Variants in SLC6A5 observed in about 807,000 individuals in gnomAD.
The protein encoded by SLC6A5 is solute carrier family 6 member 5.
Under a neutral mutation model 90.5 loss-of-function variants are expected in SLC6A5, and 58 were observed. The observed-to-expected ratio is 0.64, with a 90% CI of 0.52 to 0.80. SLC6A5 has a LOEUF of 0.80. SLC6A5 is among the 30% of genes least tolerant of loss of function. SLC6A5 has a pLI of 0.00. For synonymous variants in SLC6A5, 427 were observed against 401.4 expected (o/e 1.06, Z -0.76); for missense variants, 1,015 against 1,017.6 (o/e 1.00, Z 0.03).
chr11:20,627,990 A>T lies in SLC6A5; in HGVS notation c.1406A>T (p.Asp469Val). 6.2e-7 allele frequency: 1 copy of T among 1,614,008 alleles called. No homozygotes were observed. Among genetic ancestry groups the T allele is most frequent in the Non-Finnish European group, 8.5e-7 (1 of 1,179,910 alleles). The change falls in exon 9 of 16, where the codon GAT (aspartate) becomes GTT (valine). Residue 469 changes from aspartate (D) to valine (V), a missense_variant. Physicochemically the swap from Asp to Val is radical, Grantham distance 152. This residue lies in a region of SLC6A5 where 442 missense variants were observed against 494.3 expected (regional missense o/e 0.89). Transcript: ENST00000525748. ...CCTTTTGCCTCTCAGGTGTGGAAAGATGCTGCCACTCAGATTTTCTTCTCT... is the reference window on the plus strand; with the variant it reads ...CCTTTTGCCTCTCAGGTGTGGAAAGTTGCTGCCACTCAGATTTTCTTCTCT... ...EKLTDATVWK[D>V]AATQIFFSLS...
chr11:20,607,377 C>T, intron 4 of SLC6A5, 102 bp from the exon 5 acceptor site: 1 of 1,357,356 alleles, frequency 7.4e-7, no homozygotes. Flanking sequence ...TGCATCCATT[C>T]TGTACAAGAG....
chr11:20,601,106 C>A (rs369361093), intron 1 of SLC6A5, 23 bp from the exon 2 acceptor site: 2 of 1,576,474 alleles, frequency 1.3e-6, no homozygotes, highest in Middle Eastern at 1.7e-4. Flanking sequence ...TTGTTTTGCA[C>A]GAACTTGACA....
chr11:20,620,354 T>G (rs1852866598), intron 7 of SLC6A5, among the ~76,000 whole-genome samples: 1 of 152,188 alleles, frequency 6.6e-6, no homozygotes, highest in African/African-American at 2.4e-5. Context: ...GGACAAGCTA[T>G]TTAACCTTTG....
intron 3 of SLC6A5, among the ~76,000 whole-genome samples, chr11:20,605,357 C>T (rs1250191650): frequency 6.6e-6 from 1 of 152,154 alleles, no homozygotes; most frequent in Admixed American, 6.5e-5. Context: ...TGCAGCAGAA[C>T]GGACAGGTGC....
rs1239780276 is a variant in SLC6A5 at position 20,654,923 on chromosome 11, CTAA to C, written c.*57_*59del. The C allele has an allele frequency of 6.4e-7, 1 of 1,552,448 alleles. No individual in the cohort carries two copies. The highest frequency in any genetic ancestry group is 8.9e-7 in the Non-Finnish European group (1 of 1,123,980). On this transcript the variant is annotated 3_prime_UTR_variant, in exon 16 of 16. Transcript: ENST00000525748. ...TCCTGTTTTTCCTCTCTGCCTCCTC[CTAA>C]TGTTTTCCATAGCTCTCCTCCCATT...
chr11:20,607,786 C>A, intron 5 of SLC6A5, 134 bp downstream of exon 5: 2 of 695,016 alleles, frequency 2.9e-6, no homozygotes, highest in East Asian at 5.4e-5. Flanking sequence ...ATCAAACTAT[C>A]AAATATACTT....
chr11:20,638,630 T>A (rs1853256307), intron 13 of SLC6A5, 72 bp downstream of exon 13: 2 of 894,596 alleles, frequency 2.2e-6, no homozygotes, highest in South Asian at 1.3e-5. Context: ...CAAGCAGATT[T>A]CCCATACTTA....
chr11:20,611,511 A>G lies in SLC6A5; in HGVS notation c.986-3168A>G, dbSNP rs77593740. 0.027 allele frequency among the ~76,000 whole-genome samples: 4,048 copies of G among 152,274 alleles called. 426 individuals are homozygous for G. The East Asian group carries it at 0.35, about 13-fold the overall frequency. On this transcript the variant is annotated intron_variant, in intron 5 of 15. Transcript: ENST00000525748. Reference sequence around the variant, plus strand: ...CCCACAGAGGAACTGAATCAGTGTGAGAATGCTTTTCTTCATCTCTCTGTC... The same window carrying G: ...CCCACAGAGGAACTGAATCAGTGTGGGAATGCTTTTCTTCATCTCTCTGTC...
chr11:20,606,825 A>G lies in SLC6A5; in HGVS notation c.680-182A>G, dbSNP rs11025648. 0.56 allele frequency among the ~76,000 whole-genome samples: 84,448 copies of G among 152,044 alleles called. 23,937 individuals carry two copies. The highest frequency in any genetic ancestry group is 0.74 in the East Asian group (3,823 of 5,174). On this transcript the variant is annotated intron_variant, in intron 3 of 15. Transcript: ENST00000525748. ...GGGTACCCTTATACTTTTTGGAGGAAGGCTCTTAAATATCTGTGGGTGACT... is the reference window on the plus strand; with the variant it reads ...GGGTACCCTTATACTTTTTGGAGGAGGGCTCTTAAATATCTGTGGGTGACT...
At chr11:20,609,239 C>T (rs1237135193) in intron 5 of SLC6A5, among the ~76,000 whole-genome samples, 2 of 152,058 alleles carry the variant, frequency 1.3e-5, no homozygotes, top group Non-Finnish European at 2.9e-5. Flanking sequence ...TATGACCAGG[C>T]TGAGCAGATC....
chr11:20,649,474 T>A (rs1853482370), intron 14 of SLC6A5, among the ~76,000 whole-genome samples: 1 of 152,208 alleles, frequency 6.6e-6, no homozygotes, highest in Admixed American at 6.5e-5. Context: ...GGGAAATTTA[T>A]GGCAAAGGAC....
chr11:20,607,652 G>A lies in SLC6A5; in HGVS notation c.985G>A (p.Asp329Asn), dbSNP rs1449498342. ...ECKDKTKLLL[D>N]SCVISDHPKI... Reference sequence around the variant, plus strand: ...CAAAGATAAAACCAAACTTTTATTAGGTAAGTTTGGAAATACCTGCTTTAG... The same window carrying A: ...CAAAGATAAAACCAAACTTTTATTAAGTAAGTTTGGAAATACCTGCTTTAG... The change falls in exon 5 of 16, where the codon GAT (aspartate) becomes AAT (asparagine). Residue 329 changes from aspartate to asparagine, a missense_variant and splice_region_variant. This residue lies in a region of SLC6A5 where 567 missense variants were observed against 507.3 expected (regional missense o/e 1.12). Transcript: ENST00000525748. 6.2e-7 allele frequency: 1 copy of A among 1,612,238 alleles called. No homozygotes were observed. The highest frequency in any genetic ancestry group is 8.5e-7 in the Non-Finnish European group (1 of 1,178,580).
intron 14 of SLC6A5, among the ~76,000 whole-genome samples, chr11:20,647,982 C>A (rs1406009716): frequency 6.6e-6 from 1 of 152,184 alleles, no homozygotes; most frequent in African/African-American, 2.4e-5. Flanking sequence ...AGAAAATCTG[C>A]AGTTCAGGGT....
chr11:20,639,539 G>A (rs1440952838), intron 13 of SLC6A5, among the ~76,000 whole-genome samples: 1 of 152,120 alleles, frequency 6.6e-6, no homozygotes, highest in Non-Finnish European at 1.5e-5. Context: ...TAGGCCAGAG[G>A]GGTCTGCAGA....
chr11:20,644,480 T>C lies in SLC6A5; in HGVS notation c.1970-2354T>C, dbSNP rs561204251. Among the ~76,000 whole-genome samples the C allele has an allele frequency of 6.6e-5, 10 of 152,368 alleles. No individual in the cohort carries two copies. In the South Asian group the frequency reaches 2.1e-3, roughly 32 times the overall value. Reference sequence around the variant, plus strand: ...CACCACACATTTATCCATTCATCAGTTGATGTGCACTTATGTTGATTCCAT... The same window carrying C: ...CACCACACATTTATCCATTCATCAGCTGATGTGCACTTATGTTGATTCCAT... On this transcript the variant is annotated intron_variant, in intron 13 of 15. Coordinates refer to ENST00000525748, the MANE Select transcript of SLC6A5 (RefSeq NM_004211.5).
Position 20,601,316 on chromosome 11 carries a change from C to T in SLC6A5, c.191C>T (p.Ser64Leu), listed in dbSNP as rs1421234022. 3 of 1,592,680 alleles carry T rather than the reference C, an allele frequency of 1.9e-6. No homozygotes were observed. Among genetic ancestry groups the T allele is most frequent in the African/African-American group, 1.3e-5 (1 of 74,714 alleles). The change falls in exon 2 of 16, where the codon TCA (serine) becomes TTA (leucine). Residue 64 changes from serine (S) to leucine (L), a missense_variant. Ser to Leu is a moderately radical substitution (Grantham distance 145). This residue lies in a region of SLC6A5 where 567 missense variants were observed against 507.3 expected (regional missense o/e 1.12). Coordinates refer to ENST00000525748, the MANE Select transcript of SLC6A5 (RefSeq NM_004211.5). ...TCCACCGGCGCCCAAACTTTCCAGTCAGCGGACGCGCGAGCCTGCGAGGCT... is the reference window on the plus strand; with the variant it reads ...TCCACCGGCGCCCAAACTTTCCAGTTAGCGGACGCGCGAGCCTGCGAGGCT... Reference protein sequence around the residue: ...SASTGAQTFQSADARACEAER... With the variant: ...SASTGAQTFQLADARACEAER...
intron 13 of SLC6A5, among the ~76,000 whole-genome samples, chr11:20,643,491 T>C (rs1187452545): frequency 1.3e-5 from 2 of 152,170 alleles, no homozygotes; most frequent in Non-Finnish European, 2.9e-5. Flanking sequence ...CCTTGCGTCA[T>C]GGATTGACCT....
At chr11:20,614,205 T>C (rs1268806979) in intron 5 of SLC6A5, among the ~76,000 whole-genome samples, 1 of 152,220 alleles carries the variant, frequency 6.6e-6, no homozygotes, top group Non-Finnish European at 1.5e-5. Context: ...GCTTATTTTC[T>C]AATTCAATTC....
At chr11:20,643,533 C>T (rs571384184) in intron 13 of SLC6A5, among the ~76,000 whole-genome samples, 1 of 152,326 alleles carries the variant, frequency 6.6e-6, no homozygotes, top group East Asian at 1.9e-4. Flanking sequence ...TCATTTGGCT[C>T]AGTCTCCCCA....
Sources: gnomAD v4.1 joint callset for allele counts (sites outside exome capture counted in the v4.1 genomes callset) on GRCh38, gnomAD v4.1.1 for gene constraint, gnomAD v4.1.1 regional missense constraint, MANE v1.5 for transcripts, NCBI Gene and HGNC (gene_info 2026-07-23, HGNC 2026-07-21) for gene names.